The following ZNF821 variants were observed in gnomAD, a reference collection of about 807,000 sequenced individuals.
The protein encoded by ZNF821 is zinc finger protein 821.
A neutral mutation model predicts 44.3 loss-of-function variants in ZNF821; 16 were observed. The ratio of observed to expected loss-of-function variants is 0.36; its 90% CI spans 0.24 to 0.55. The LOEUF (loss-of-function observed/expected upper bound fraction) is 0.55, where lower values mean the gene tolerates loss of function less well. Among genes scored for constraint, ZNF821 ranks in the 20% least tolerant of loss-of-function variants. ZNF821 has a pLI of 0.86. For missense variants in ZNF821, 436 were observed against 547.6 expected (o/e 0.80, Z 2.03); for synonymous variants, 204 against 197.6 (o/e 1.03, Z -0.27).
Position 71,860,380 on chromosome 16 carries a change from G to A in ZNF821, c.877C>T (p.Arg293Trp). Residue 293 changes from arginine (R) to tryptophan (W), a missense_variant, in exon 8 of 8, where the codon CGG (arginine) becomes TGG (tryptophan). Physicochemically the swap from Arg to Trp is moderately radical, Grantham distance 101 (BLOSUM62 -3). Around this residue, in one of 5 missense-constraint regions of ZNF821, gnomAD observed 72 missense variants for 133.3 expected, o/e 0.54. Coordinates refer to ENST00000425432, the MANE Select transcript of ZNF821 (RefSeq NM_001201552.2). This position sits in a 1 kb window ranked among gnomAD's most constrained non-coding sequence, Gnocchi z 7.3. ...CGGTCCCTCATGCGCCTCACCTCCCGCTCCTCGGGGGTCTCATTGTCCCGC... is the reference window on the plus strand; with the variant it reads ...CGGTCCCTCATGCGCCTCACCTCCCACTCCTCGGGGGTCTCATTGTCCCGC... ...SRRDNETPEE[R>W]EVRRMRDREA... 1 of 1,611,752 alleles carries A rather than the reference G, an allele frequency of 6.2e-7. No homozygotes were observed. The highest frequency in any genetic ancestry group is 8.5e-7 in the Non-Finnish European group (1 of 1,180,014).
intron 3 of ZNF821, among the ~76,000 whole-genome samples, chr16:71,869,363 T>C (rs2034921375): frequency 6.6e-6 from 1 of 152,174 alleles, no homozygotes; most frequent in African/African-American, 2.4e-5. Context: ...CCTTGGGCAG[T>C]GAAAGACTTG....
At position 71,860,607 on chromosome 16, in the gene ZNF821, C is replaced by A; in HGVS notation, c.650G>T (p.Ser217Ile). Residue 217 changes from serine (S) to isoleucine (I), a missense_variant, in exon 8 of 8, where the codon AGT becomes ATT. Physicochemically the swap from Ser to Ile is moderately radical, Grantham distance 142. Around this residue, in one of 5 missense-constraint regions of ZNF821, gnomAD observed 238 missense variants for 281.4 expected, o/e 0.85. Transcript: ENST00000425432. The surrounding 1 kb of genome is among the most constrained non-coding windows in gnomAD (Gnocchi z 7.3). The part of the protein sequence containing the change: ...LPTVHNEGPS[S>I]AEGKDIAFSP... ...AAAGGCAATATCCTTCCCCTCAGCA[C>A]TGGAGGGACCCTCATTGTGGACTGT... The A allele has an allele frequency of 6.2e-7, 1 of 1,614,144 alleles. No individual in the cohort carries two copies. Among genetic ancestry groups the A allele is most frequent in the Non-Finnish European group, 8.5e-7 (1 of 1,180,028 alleles).
At chr16:71,888,900 T>C (rs773074934), upstream of ZNF821, among the ~76,000 whole-genome samples, 19 of 152,166 alleles carry the variant, frequency 1.2e-4, no homozygotes, top group Non-Finnish European at 2.4e-4. Flanking sequence ...ATTGATAAAC[T>C]CCATATACAC....
chr16:71,893,012 T>G (rs1353165074), intron 1 of ZNF821, among the ~76,000 whole-genome samples: 1 of 139,068 alleles, frequency 7.2e-6, no homozygotes, highest in Non-Finnish European at 1.5e-5. Context: ...ATTACAGGCA[T>G]GAGCCACCCT....
chr16:71,871,463 AT>A (rs2035184649), intron 3 of ZNF821, among the ~76,000 whole-genome samples: 1 of 152,214 alleles, frequency 6.6e-6, no homozygotes, highest in Admixed American at 6.5e-5. Flanking sequence ...TCCAAATAAA[AT>A]TGTCCAGAAT....
Position 71,860,194 on chromosome 16 carries a change from T to G in ZNF821, c.1063A>C (p.Arg355=), listed in dbSNP as rs774642449. The G allele has an allele frequency of 6.2e-7, 1 of 1,614,082 alleles. No homozygotes were observed. The highest frequency in any genetic ancestry group is 1.6e-4 in the Middle Eastern group (1 of 6,062). ...AACATCATGTCCATTTTCTCCAGCCTCCTCTTGAGCCGCTTGGCCTCTCGC... is the reference window on the plus strand; with the variant it reads ...AACATCATGTCCATTTTCTCCAGCCGCCTCTTGAGCCGCTTGGCCTCTCGC... ...REREAKRLKR[R]LEKMDMMLRA... is the part of the protein sequence containing the mutation. The change falls in exon 8 of 8, where the codon AGG becomes CGG. Residue 355 remains arginine, a synonymous_variant. Transcript: ENST00000425432. The surrounding 1 kb of genome is among the most constrained non-coding windows in gnomAD (Gnocchi z 7.3).
At chr16:71,894,939 C>T in exon 1 of ZNF821, 6 of 1,005,720 alleles carry the variant, frequency 6.0e-6, no homozygotes, top group Non-Finnish European at 7.5e-6. Flanking sequence ...GGAAACACTA[C>T]TGAATTATAC....
chr16:71,876,933 A>G (rs1437858855), intron 3 of ZNF821, among the ~76,000 whole-genome samples: 1 of 152,050 alleles, frequency 6.6e-6, no homozygotes, highest in Non-Finnish European at 1.5e-5. Context: ...CTTCCTTGAC[A>G]ATCCTCACGT....
intron 6 of ZNF821, among the ~76,000 whole-genome samples, chr16:71,862,968 A>G (rs1167376198): frequency 2.6e-5 from 4 of 152,044 alleles, no homozygotes; most frequent in Non-Finnish European, 5.9e-5. Context: ...ATCTCAGCTC[A>G]CTGCAGCCTC....
At chr16:71,889,202 C>A (rs2036873054), upstream of ZNF821, among the ~76,000 whole-genome samples, 1 of 152,240 alleles carries the variant, frequency 6.6e-6, no homozygotes, top group Middle Eastern at 3.4e-3. Context: ...AGTACCCTTG[C>A]ACTTCAGCCT....
intron 3 of ZNF821, among the ~76,000 whole-genome samples, chr16:71,876,474 G>C (rs959808085): frequency 6.6e-6 from 1 of 152,114 alleles, no homozygotes; most frequent in African/African-American, 2.4e-5. Context: ...CAAAGTGCTG[G>C]GATTACAGGC....
intron 3 of ZNF821, among the ~76,000 whole-genome samples, chr16:71,871,749 A>T (rs1271037225): frequency 6.6e-6 from 1 of 152,160 alleles, no homozygotes; most frequent in African/African-American, 2.4e-5. Flanking sequence ...CTACACTCTC[A>T]CAATAAAAAC....
chr16:71,886,456 A>AT (rs1055322758), upstream of ZNF821, among the ~76,000 whole-genome samples: 2 of 152,056 alleles, frequency 1.3e-5, no homozygotes, highest in African/African-American at 4.8e-5. Context: ...AACCATATAT[A>AT]TTTTTTTAGC....
chr16:71,878,406 C>T (rs1269715132), intron 3 of ZNF821, among the ~76,000 whole-genome samples: 4 of 151,830 alleles, frequency 2.6e-5, no homozygotes, highest in Non-Finnish European at 4.4e-5. Flanking sequence ...TGCAAGCCAC[C>T]GCGCCCGGCC....
At chr16:71,867,674 G>A (rs918482571) in intron 4 of ZNF821, among the ~76,000 whole-genome samples, 9 of 149,852 alleles carry the variant, frequency 6.0e-5, no homozygotes, top group Middle Eastern at 6.8e-3. Context: ...CAACAAGAGC[G>A]AAACTCTGTC....
At chr16:71,871,284 C>G (rs1355485954) in intron 3 of ZNF821, among the ~76,000 whole-genome samples, 1 of 152,004 alleles carries the variant, frequency 6.6e-6, no homozygotes, top group African/African-American at 2.4e-5. Context: ...TTAGTCTATT[C>G]CTGACTTGGG....
At chr16:71,878,746 A>G (rs1374878530) in intron 3 of ZNF821, among the ~76,000 whole-genome samples, 1 of 152,038 alleles carries the variant, frequency 6.6e-6, no homozygotes, top group East Asian at 1.9e-4. Flanking sequence ...CCTCGCCAAC[A>G]TGGTGAAACC....
chr16:71,865,175 T>C (rs1433767879), intron 4 of ZNF821, 127 bp from the exon 5 acceptor site: 4 of 1,240,388 alleles, frequency 3.2e-6, no homozygotes, highest in Middle Eastern at 4.6e-4. Context: ...GTTTATATAG[T>C]TTTGTTGGGT....
At chr16:71,878,453 G>A (rs917386438) in intron 3 of ZNF821, among the ~76,000 whole-genome samples, 1 of 151,984 alleles carries the variant, frequency 6.6e-6, no homozygotes, top group African/African-American at 2.4e-5. Flanking sequence ...GGGTGGGAAC[G>A]ATTATCTTCC....
Sources: allele counts gnomAD v4.1 joint callset (sites outside exome capture counted in the v4.1 genomes callset), GRCh38; gene constraint gnomAD v4.1.1; regional missense constraint gnomAD v4.1.1; non-coding constraint Gnocchi (gnomAD v3.1); transcripts MANE v1.5; gene names NCBI Gene and HGNC (gene_info 2026-07-23, HGNC 2026-07-21).